CACNA2D2: variants seen among roughly 807,000 people sequenced by gnomAD.
The protein encoded by CACNA2D2 is voltage-dependent calcium channel subunit alpha-2/delta-2.
In CACNA2D2, 48 loss-of-function variants were observed where a neutral mutation model predicts 166.4. The ratio of observed to expected loss-of-function variants is 0.29; its 90% CI spans 0.23 to 0.37. CACNA2D2 has a LOEUF of 0.37. Ranked by LOEUF, CACNA2D2 falls within the 10% of genes least tolerant of loss-of-function variation. The probability of loss-of-function intolerance (pLI) is 1.00; values close to 1 mark genes in which losing one functional copy is unlikely to be tolerated. For synonymous variants in CACNA2D2, 561 were observed against 573.7 expected (o/e 0.98, Z 0.32); for missense variants, 1,122 against 1,433.0 (o/e 0.78, Z 3.50).
In CACNA2D2 at chr3:50,364,655, G is replaced by A. The variant is rs1448862421; in HGVS notation, c.*11C>T. On this transcript the variant is annotated 3_prime_UTR_variant, in exon 38 of 38. Transcript: ENST00000424201. ...GTGAGGTGGGAGTGGAGGTGGGGTG[G>A]GGCAGGGTGCTCAGAGGCGGCGAGA... The A allele has an allele frequency of 1.3e-6, 2 of 1,510,622 alleles. No homozygotes were observed. Among genetic ancestry groups the A allele is most frequent in the Non-Finnish European group, 1.8e-6 (2 of 1,127,602 alleles). The allele number at this position is 1,510,622 out of a possible 1,614,324, so 93.6% of individuals were successfully genotyped here.
At chr3:50,405,254 G>A (rs964065475) in intron 3 of CACNA2D2, among the ~76,000 whole-genome samples, 40 of 152,062 alleles carry the variant, frequency 2.6e-4, no homozygotes, top group Non-Finnish European at 1.6e-4. Context: ...GGGTAGTGGA[G>A]AAGAACCTCT....
rs116223414 is a variant in CACNA2D2, at chr3:50,449,798, C to T, written c.289-15369G>A. On this transcript the variant is annotated intron_variant, in intron 2 of 37. Coordinates refer to ENST00000424201, the MANE Select transcript of CACNA2D2 (RefSeq NM_006030.4). ...TGTACTCCCAGGACTGCCCACCACACTCCCCATCAGAGACACAGGCATTCA... is the reference window on the plus strand; with the variant it reads ...TGTACTCCCAGGACTGCCCACCACATTCCCCATCAGAGACACAGGCATTCA... Among the ~76,000 whole-genome samples the T allele has an allele frequency of 3.4e-3, 514 of 152,324 alleles. 4 individuals carry two copies. Among genetic ancestry groups the T allele is most frequent in the African/African-American group, 0.012 (485 of 41,568 alleles).
upstream of CACNA2D2, among the ~76,000 whole-genome samples, chr3:50,503,852 G>C (rs963333482): frequency 6.6e-6 from 1 of 150,966 alleles, no homozygotes; most frequent in Non-Finnish European, 1.5e-5. Context: ...GCTGCTACCC[G>C]AGCGCCCCGG....
Position 50,366,076 on chromosome 3 carries a change from A to T in CACNA2D2, c.2797T>A (p.Tyr933Asn). 6.2e-7 allele frequency: 1 copy of T among 1,613,844 alleles called. No homozygotes were observed. Among genetic ancestry groups the T allele is most frequent in the South Asian group, 1.1e-5 (1 of 91,092 alleles). ...SFYTRKESYD[Y>N]QAACAPQPPG... The stretch of plus-strand genomic sequence containing the variant: ...GGCTGAGGGGCACAGGCTGCCTGAT[A>T]GTCATAGGACTCCTTGCGGGTGTAG... Residue 933 changes from tyrosine (Y) to asparagine (N), a missense_variant, in exon 32 of 38, where the codon TAT becomes AAT. Physicochemically the swap from Tyr to Asn is moderately radical, Grantham distance 143 (BLOSUM62 -2). Around this residue, in one of 2 missense-constraint regions of CACNA2D2, gnomAD observed 840 missense variants for 1,166.8 expected, o/e 0.72. Transcript: ENST00000424201. The surrounding 1 kb of genome is among the most constrained non-coding windows in gnomAD (Gnocchi z 5.9).
intron 1 of CACNA2D2, among the ~76,000 whole-genome samples, chr3:50,491,558 C>T (rs766387953): frequency 9.9e-5 from 15 of 151,986 alleles, no homozygotes; most frequent in South Asian, 2.1e-4. Flanking sequence ...TGGAGTGGGG[C>T]GGAAAAAGGA....
chr3:50,438,683 GA>G (rs1325592819), intron 2 of CACNA2D2, among the ~76,000 whole-genome samples: 2 of 152,188 alleles, frequency 1.3e-5, no homozygotes, highest in African/African-American at 4.8e-5. Flanking sequence ...GCCACCACAG[GA>G]AACTAAAGGC....
At chr3:50,493,683 C>A (rs770621974) in intron 1 of CACNA2D2, among the ~76,000 whole-genome samples, 1 of 152,214 alleles carries the variant, frequency 6.6e-6, no homozygotes, top group Non-Finnish European at 1.5e-5. Context: ...CAGCCAAATG[C>A]GCTCCTCAGA....
At chr3:50,498,427 T>C (rs1485134497) in intron 1 of CACNA2D2, among the ~76,000 whole-genome samples, 1 of 151,888 alleles carries the variant, frequency 6.6e-6, no homozygotes, top group Non-Finnish European at 1.5e-5. Context: ...CCCACCTCCA[T>C]GACCTTTCTC....
chr3:50,367,829 C>T lies in CACNA2D2; in HGVS notation c.2217G>A (p.Arg739=). The T allele has an allele frequency of 6.2e-7, 1 of 1,613,528 alleles. No homozygotes were observed. Among genetic ancestry groups the T allele is most frequent in the Non-Finnish European group, 8.5e-7 (1 of 1,179,796 alleles). ...ATGCCTACGTGTTGAGATCCTGGTC[C>T]CTCCACACACGCTCTACCAGCTGCT... ...ITQQLVERVW[R]DQDLNTYSLL... Residue 739 remains arginine (R), a synonymous_variant, in exon 25 of 38, where the codon AGG becomes AGA. Transcript: ENST00000424201. The surrounding 1 kb of genome is among the most constrained non-coding windows in gnomAD (Gnocchi z 6.5).
chr3:50,436,852 C>T (rs1375751915), intron 2 of CACNA2D2, among the ~76,000 whole-genome samples: 1 of 152,232 alleles, frequency 6.6e-6, no homozygotes, highest in East Asian at 1.9e-4. Flanking sequence ...CAGCCCCACC[C>T]TGTTCTCCCA....
In CACNA2D2 at chr3:50,366,093, C is replaced by A; in HGVS notation, c.2780G>T (p.Arg927Leu). 6.2e-7 allele frequency: 1 copy of A among 1,613,810 alleles called. No individual in the cohort carries two copies. Among genetic ancestry groups the A allele is most frequent in the Non-Finnish European group, 8.5e-7 (1 of 1,179,940 alleles). ...TGCCTGATAGTCATAGGACTCCTTG[C>A]GGGTGTAGAAGGAGTTATTGTAGAG... Reference protein sequence around the residue: ...LALYNNSFYTRKESYDYQAAC... With the variant: ...LALYNNSFYTLKESYDYQAAC... The change falls in exon 32 of 38, where the codon CGC becomes CTC. Residue 927 changes from arginine (R) to leucine (L), a missense_variant. This residue lies in a region of CACNA2D2 where 840 missense variants were observed against 1,166.8 expected (regional missense o/e 0.72). Coordinates refer to ENST00000424201, the MANE Select transcript of CACNA2D2 (RefSeq NM_006030.4). This position sits in a 1 kb window ranked among gnomAD's most constrained non-coding sequence, Gnocchi z 5.9.
intron 2 of CACNA2D2, among the ~76,000 whole-genome samples, chr3:50,462,439 A>G (rs1463081179): frequency 1.4e-5 from 2 of 146,488 alleles, no homozygotes; most frequent in Non-Finnish European, 3.0e-5. Flanking sequence ...TAATGATAAT[A>G]ATAATAAAAC....
At chr3:50,423,348 AG>A (rs1707661428) in intron 3 of CACNA2D2, among the ~76,000 whole-genome samples, 1 of 152,232 alleles carries the variant, frequency 6.6e-6, no homozygotes, top group South Asian at 2.1e-4. Context: ...GGCTGCTCAG[AG>A]GGATCTTGAA....
intron 1 of CACNA2D2, among the ~76,000 whole-genome samples, chr3:50,489,574 C>T (rs1005283515): frequency 1.4e-5 from 2 of 147,296 alleles, no homozygotes; most frequent in East Asian, 2.1e-4. Flanking sequence ...GCCCCGGAAG[C>T]GCATCAGAAA....
intron 3 of CACNA2D2, among the ~76,000 whole-genome samples, chr3:50,408,146 G>T (rs1235386281): frequency 6.6e-6 from 1 of 152,180 alleles, no homozygotes; most frequent in Non-Finnish European, 1.5e-5. Context: ...ACCCACCCAA[G>T]ACCACACAAT....
intron 2 of CACNA2D2, among the ~76,000 whole-genome samples, chr3:50,466,272 ATG>A (rs10678919): frequency 0.19 from 28,661 of 148,940 alleles, 3,634 homozygotes; most frequent in East Asian, 0.61. Context: ...GTGTGTGCGC[ATG>A]TGTGTGTGTG....
At chr3:50,428,586 C>T (rs1008573071) in intron 3 of CACNA2D2, among the ~76,000 whole-genome samples, 1 of 152,202 alleles carries the variant, frequency 6.6e-6, no homozygotes, top group East Asian at 1.9e-4. Context: ...GCTCATTCCC[C>T]AGAGAGGCCA....
chr3:50,476,303 C>A, intron 1 of CACNA2D2, 104 bp from the exon 2 acceptor site: 1 of 836,370 alleles, frequency 1.2e-6, no homozygotes, highest in Non-Finnish European at 1.9e-6. Flanking sequence ...CCACTCACAC[C>A]CCAATTTTCA....
chr3:50,444,954 C>A (rs1225613319), intron 2 of CACNA2D2, among the ~76,000 whole-genome samples: 1 of 152,206 alleles, frequency 6.6e-6, no homozygotes. Flanking sequence ...CACATTCACA[C>A]CTAGGACTCA....
Sources: gnomAD v4.1 joint callset for allele counts (sites outside exome capture counted in the v4.1 genomes callset) on GRCh38, gnomAD v4.1.1 for gene constraint, gnomAD v4.1.1 regional missense constraint, Gnocchi (gnomAD v3.1) non-coding constraint, MANE v1.5 for transcripts, NCBI Gene and HGNC (gene_info 2026-07-23, HGNC 2026-07-21) for gene names.